The following PDE12 variants were observed in gnomAD, a reference collection of about 807,000 sequenced individuals.
PDE12 encodes the protein 2',5'-phosphodiesterase 12.
In PDE12, 26 loss-of-function variants were observed where a neutral mutation model predicts 45.4. The ratio of observed to expected loss-of-function variants is 0.57; its 90% CI spans 0.42 to 0.79. The LOEUF is 0.79. Ranked by LOEUF, PDE12 falls within the 30% of genes least tolerant of loss-of-function variation. PDE12 has a pLI of 0.00. For missense variants in PDE12, 668 were observed against 790.0 expected, an observed-to-expected ratio of 0.85 and a Z score of 1.85; for synonymous variants, 283 against 323.9, an observed-to-expected ratio of 0.87 and a Z score of 1.36.
At chr3:57,619,023 C>T in the PDE12 span, among the ~76,000 whole-genome samples, 1 of 152,090 alleles carries the variant, frequency 6.6e-6, no homozygotes, top group Non-Finnish European at 1.5e-5. Context: ...ATACATTTGT[C>T]AAATACTTTA....
chr3:57,581,957 A>C, the PDE12 span, among the ~76,000 whole-genome samples: 1 of 152,320 alleles, frequency 6.6e-6, no homozygotes, highest in South Asian at 2.1e-4. Flanking sequence ...TTAATCCAAA[A>C]ATCCAAATCC....
the PDE12 span, among the ~76,000 whole-genome samples, chr3:57,583,321 G>A: frequency 1.2e-4 from 18 of 152,022 alleles, no homozygotes; most frequent in African/African-American, 4.1e-4. Flanking sequence ...GTCATCTAGG[G>A]GATGATCCAG....
rs780972302 is a variant in PDE12 at position 57,556,986 on chromosome 3, C to T, written c.607C>T (p.Pro203Ser). ...TTTCCGCTGGTATAAGGAAGCCAAG[C>T]CCGGAGCGGCGGAGCCCGAGGTCGG... ...SLFRWYKEAK[P>S]GAAEPEVGVP... The change falls in exon 1 of 3, where the codon CCC becomes TCC. Residue 203 changes from proline to serine, a missense_variant. By Grantham distance (74) the Pro-to-Ser change is moderately conservative. Around this residue, in one of 3 missense-constraint regions of PDE12, gnomAD observed 580 missense variants for 662.9 expected, o/e 0.87. Transcript: ENST00000311180. This position sits in a 1 kb window ranked among gnomAD's most constrained non-coding sequence, Gnocchi z 5.0. 1 of 1,614,062 alleles carries T rather than the reference C, an allele frequency of 6.2e-7. No individual in the cohort carries two copies. The highest frequency in any genetic ancestry group is 1.3e-5 in the African/African-American group (1 of 74,936).
the PDE12 span, among the ~76,000 whole-genome samples, chr3:57,609,500 TAAGAA>T: frequency 4.0e-5 from 6 of 151,366 alleles, no homozygotes; most frequent in East Asian, 3.9e-4. Context: ...GCAAGACTAA[TAAGAA>T]GAGAGAGAAG....
At chr3:57,597,462 C>T in the PDE12 span, 1 of 218,688 alleles carries the variant, frequency 4.6e-6, no homozygotes, top group Admixed American at 5.8e-5. Context: ...GTCACCGCCG[C>T]CCCATCCCCC....
chr3:57,567,612 C>T (rs2153407927), downstream of PDE12, among the ~76,000 whole-genome samples: 1 of 152,296 alleles, frequency 6.6e-6, no homozygotes. Flanking sequence ...TGCAATGTCA[C>T]ATGTATATAC....
the PDE12 span, among the ~76,000 whole-genome samples, chr3:57,618,613 T>TTTTTTG: frequency 8.3e-6 from 1 of 120,664 alleles, no homozygotes; most frequent in African/African-American, 2.8e-5. Context: ...TTGTGTTTTT[T>TTTTTTG]TTTTTTTTTT....
At chr3:57,613,210 A>C in the PDE12 span, among the ~76,000 whole-genome samples, 1 of 150,448 alleles carries the variant, frequency 6.6e-6, no homozygotes, top group South Asian at 2.1e-4. Flanking sequence ...CAAACTCCTG[A>C]GCTCAGGCAA....
At chr3:57,629,507 CTTTT>C in the PDE12 span, among the ~76,000 whole-genome samples, 1 of 98,228 alleles carries the variant, frequency 1.0e-5, no homozygotes, top group Non-Finnish European at 2.0e-5. Context: ...AATCAGTCCG[CTTTT>C]TTTTTTTTTT....
chr3:57,613,918 A>G, the PDE12 span, among the ~76,000 whole-genome samples: 4 of 149,696 alleles, frequency 2.7e-5, no homozygotes, highest in South Asian at 4.2e-4. Flanking sequence ...AAAAAAAAAA[A>G]AAAAAGAAAT....
At chr3:57,593,984 G>A in the PDE12 span, among the ~76,000 whole-genome samples, 2 of 152,186 alleles carry the variant, frequency 1.3e-5, no homozygotes, top group South Asian at 4.1e-4. Flanking sequence ...GGCTGGGTGT[G>A]ATGGCTCATG....
downstream of PDE12, among the ~76,000 whole-genome samples, chr3:57,568,021 T>TCA (rs1366099984): frequency 8.4e-6 from 1 of 118,594 alleles, no homozygotes; most frequent in African/African-American, 3.4e-5. Flanking sequence ...TGAGCCAAGA[T>TCA]CACACCACTG....
the PDE12 span, chr3:57,625,547 G>A: frequency 6.6e-6 from 1 of 152,322 alleles, no homozygotes; most frequent in Non-Finnish European, 1.5e-5. Flanking sequence ...AAGGCACTAG[G>A]CATTACATAA....
At chr3:57,576,546 C>T in the PDE12 span, among the ~76,000 whole-genome samples, 1 of 127,810 alleles carries the variant, frequency 7.8e-6, no homozygotes, top group Non-Finnish European at 1.6e-5. Context: ...AAGCTGGTGA[C>T]ATTTGACTCA....
At chr3:57,624,336 G>C in the PDE12 span, among the ~76,000 whole-genome samples, 1 of 152,080 alleles carries the variant, frequency 6.6e-6, no homozygotes, top group Non-Finnish European at 1.5e-5. Flanking sequence ...ATTTTTAGTA[G>C]AGACAGGGTT....
chr3:57,635,333 G>A, the PDE12 span, among the ~76,000 whole-genome samples: 4 of 152,134 alleles, frequency 2.6e-5, no homozygotes, highest in Admixed American at 2.0e-4. Flanking sequence ...AGATGGACAG[G>A]ACTCCTGAGC....
the PDE12 span, among the ~76,000 whole-genome samples, chr3:57,601,564 C>T: frequency 6.6e-6 from 1 of 152,092 alleles, no homozygotes. Context: ...GTGGAACCTG[C>T]AGATGCAGAA....
chr3:57,573,266 G>A, the PDE12 span, among the ~76,000 whole-genome samples: 7 of 151,692 alleles, frequency 4.6e-5, no homozygotes, highest in African/African-American at 1.2e-4. Flanking sequence ...AAGCTTTTCA[G>A]ACAATTTCAC....
the PDE12 span, among the ~76,000 whole-genome samples, chr3:57,587,943 G>A: frequency 1.3e-5 from 2 of 152,142 alleles, no homozygotes; most frequent in African/African-American, 4.8e-5. Flanking sequence ...AAGCTTTAAT[G>A]CACGAATTAA....
Sources: allele counts gnomAD v4.1 joint callset (sites outside exome capture counted in the v4.1 genomes callset), GRCh38; gene constraint gnomAD v4.1.1; regional missense constraint gnomAD v4.1.1; non-coding constraint Gnocchi (gnomAD v3.1); transcripts MANE v1.5; gene names NCBI Gene and HGNC (gene_info 2026-07-23, HGNC 2026-07-21).